The following QKI variants were observed in gnomAD, a reference collection of about 807,000 sequenced individuals.
QKI encodes the protein QKI, KH domain containing RNA binding, also known as KH domain-containing RNA-binding protein QKI.
QKI carries 10 observed loss-of-function variants against 39.0 expected under a neutral mutation model. That is an observed-to-expected ratio of 0.26 (90% CI 0.16 to 0.43). QKI has a LOEUF of 0.43. Among genes scored for constraint, QKI ranks in the 20% least tolerant of loss-of-function variants. The probability of loss-of-function intolerance (pLI) is 1.00; values close to 1 mark genes in which losing one functional copy is unlikely to be tolerated. For synonymous variants in QKI, 204 were observed against 155.4 expected, an observed-to-expected ratio of 1.31 and a Z score of -2.33; for missense variants, 218 against 428.0, an observed-to-expected ratio of 0.51 and a Z score of 4.33.
chr6:163,563,691 G>T lies in QKI; in HGVS notation c.906G>T (p.Glu302Asp). The T allele has an allele frequency of 6.2e-7, 1 of 1,614,092 alleles. No individual in the cohort carries two copies. The highest frequency in any genetic ancestry group is 8.5e-7 in the Non-Finnish European group (1 of 1,179,968). Reference sequence around the variant, plus strand: ...TGGCACCAGCTACATCAATCCTTGAGTATCCTATTGAACCTAGTGGTGTAT... The same window carrying T: ...TGGCACCAGCTACATCAATCCTTGATTATCCTATTGAACCTAGTGGTGTAT... The part of the protein sequence containing the change: ...YTLAPATSIL[E>D]YPIEPSGVLG... Residue 302 changes from glutamate to aspartate, a missense_variant, in exon 6 of 8, where the codon GAG becomes GAT. Transcript: ENST00000361752.
At chr6:163,551,804 A>AG (rs1258983377) in intron 4 of QKI, among the ~76,000 whole-genome samples, 8 of 152,234 alleles carry the variant, frequency 5.3e-5, no homozygotes, top group African/African-American at 1.9e-4. Context: ...TTACCTTGGA[A>AG]GTCTTGTAAG....
chr6:163,507,429 A>G (rs1221359939), intron 3 of QKI, among the ~76,000 whole-genome samples: 1 of 152,206 alleles, frequency 6.6e-6, no homozygotes, highest in African/African-American at 2.4e-5. Context: ...TCTGAAATAG[A>G]GTTGGTCCTT....
At chr6:163,478,308 C>A (rs1481504151) in intron 2 of QKI, among the ~76,000 whole-genome samples, 2 of 152,144 alleles carry the variant, frequency 1.3e-5, no homozygotes, top group Non-Finnish European at 2.9e-5. Context: ...TGAACAGTTG[C>A]TTTGGAGAAA....
At chr6:163,430,393 A>T (rs1040026959) in intron 1 of QKI, among the ~76,000 whole-genome samples, 1 of 152,076 alleles carries the variant, frequency 6.6e-6, no homozygotes, top group Admixed American at 6.6e-5. Flanking sequence ...CTTACTGCCT[A>T]ACTTTTAATT....
intron 3 of QKI, among the ~76,000 whole-genome samples, chr6:163,531,557 G>GT (rs1780852240): frequency 1.3e-5 from 2 of 152,302 alleles, no homozygotes; most frequent in South Asian, 2.1e-4. Flanking sequence ...AAGGAAATAA[G>GT]TTTCTTTCTT....
At chr6:163,519,433 A>T (rs1780019597) in intron 3 of QKI, among the ~76,000 whole-genome samples, 1 of 151,952 alleles carries the variant, frequency 6.6e-6, no homozygotes, top group South Asian at 2.1e-4. Flanking sequence ...GGGTGTGATG[A>T]TATTTTTATG....
At chr6:163,461,192 T>TTTA (rs950864246) in intron 2 of QKI, among the ~76,000 whole-genome samples, 15 of 152,210 alleles carry the variant, frequency 9.9e-5, no homozygotes. Flanking sequence ...TAAGGGTATA[T>TTTA]TTAGGGCCTG....
At chr6:163,528,014 T>C (rs1780618870) in intron 3 of QKI, among the ~76,000 whole-genome samples, 1 of 152,154 alleles carries the variant, frequency 6.6e-6, no homozygotes, top group Non-Finnish European at 1.5e-5. Flanking sequence ...GGAGAAAGCA[T>C]TTTTCTCCCT....
At chr6:163,523,178 G>A (rs529011345) in intron 3 of QKI, among the ~76,000 whole-genome samples, 1 of 152,198 alleles carries the variant, frequency 6.6e-6, no homozygotes, top group South Asian at 2.1e-4. Flanking sequence ...CTTTAGTTTT[G>A]TGTTTTTCAT....
At chr6:163,516,828 T>C (rs1333880184) in intron 3 of QKI, among the ~76,000 whole-genome samples, 1 of 152,162 alleles carries the variant, frequency 6.6e-6, no homozygotes, top group Non-Finnish European at 1.5e-5. Flanking sequence ...GGAATATATT[T>C]TAACTTACTT....
intron 4 of QKI, among the ~76,000 whole-genome samples, chr6:163,535,464 T>C (rs1396791474): frequency 6.6e-6 from 1 of 152,062 alleles, no homozygotes; most frequent in Non-Finnish European, 1.5e-5. Flanking sequence ...GGTTGGCTCC[T>C]TATTGTTTCT....
intron 3 of QKI, among the ~76,000 whole-genome samples, chr6:163,515,297 A>C (rs1333877994): frequency 6.6e-6 from 1 of 152,126 alleles, no homozygotes; most frequent in Non-Finnish European, 1.5e-5. Context: ...ATTGGAAAGC[A>C]ATTTGGCACT....
At chr6:163,488,664 G>A (rs762483904) in intron 3 of QKI, among the ~76,000 whole-genome samples, 29 of 152,090 alleles carry the variant, frequency 1.9e-4, no homozygotes, top group Non-Finnish European at 3.7e-4. Context: ...TATTTTGAGG[G>A]TATATCCACT....
chr6:163,554,956 CTTTG>C (rs2128247636), intron 4 of QKI, among the ~76,000 whole-genome samples: 1 of 152,274 alleles, frequency 6.6e-6, no homozygotes, highest in African/African-American at 2.4e-5. Flanking sequence ...TCATAAACCC[CTTTG>C]TTTAAGTCAA....
At chr6:163,535,889 G>A (rs745415376) in intron 4 of QKI, among the ~76,000 whole-genome samples, 39 of 152,108 alleles carry the variant, frequency 2.6e-4, no homozygotes, top group Non-Finnish European at 5.3e-4. Flanking sequence ...CTGAGATTGC[G>A]CCACTATACT....
chr6:163,480,819 T>C (rs1793019670), intron 3 of QKI, among the ~76,000 whole-genome samples: 1 of 152,238 alleles, frequency 6.6e-6, no homozygotes, highest in Admixed American at 6.5e-5. Flanking sequence ...GAATGAAGTC[T>C]TGACAACTGG....
intron 1 of QKI, among the ~76,000 whole-genome samples, chr6:163,415,570 G>A (rs1787385628): frequency 6.6e-6 from 1 of 151,614 alleles, no homozygotes; most frequent in African/African-American, 2.4e-5. Context: ...ACCCCGCGCC[G>A]CTGGCGTCCA....
chr6:163,432,004 G>C (rs998297168), intron 1 of QKI, among the ~76,000 whole-genome samples: 6 of 151,924 alleles, frequency 3.9e-5, no homozygotes, highest in African/African-American at 1.5e-4. Context: ...TTGGCTCTTG[G>C]GACAGAAATA....
intron 4 of QKI, among the ~76,000 whole-genome samples, chr6:163,561,266 A>G (rs538869189): frequency 5.3e-5 from 8 of 152,186 alleles, no homozygotes; most frequent in Non-Finnish European, 8.8e-5. Flanking sequence ...GCGTGTGTGT[A>G]TGTGTGTGTT....
Sources: gnomAD v4.1 joint callset for allele counts (sites outside exome capture counted in the v4.1 genomes callset) on GRCh38, gnomAD v4.1.1 for gene constraint, MANE v1.5 for transcripts, NCBI Gene and HGNC (gene_info 2026-07-23, HGNC 2026-07-21) for gene names.